The following PSD3 variants were observed in gnomAD, a reference collection of about 807,000 sequenced individuals.
The protein encoded by PSD3 is pleckstrin and Sec7 domain containing 3.
Under a neutral mutation model 105.5 loss-of-function variants are expected in PSD3, and 49 were observed. The observed-to-expected ratio is 0.46, with a 90% CI of 0.37 to 0.59. PSD3 has a LOEUF of 0.59. Among genes scored for constraint, PSD3 ranks in the 20% least tolerant of loss-of-function variants. The pLI is 0.00. For synonymous variants in PSD3, 557 were observed against 457.8 expected, an observed-to-expected ratio of 1.22 and a Z score of -2.77; for missense variants, 1,561 against 1,263.8, an observed-to-expected ratio of 1.24 and a Z score of -3.57.
intron 11 of PSD3, among the ~76,000 whole-genome samples, chr8:18,614,855 C>T (rs1481198500): frequency 3.3e-5 from 5 of 151,254 alleles, no homozygotes; most frequent in South Asian, 2.1e-4. Context: ...CGGCTGGTCT[C>T]GAACTGCTGG....
At chr8:18,651,425 C>T (rs1429087786) in intron 10 of PSD3, among the ~76,000 whole-genome samples, 1 of 152,222 alleles carries the variant, frequency 6.6e-6, no homozygotes, top group African/African-American at 2.4e-5. Context: ...AGCATCACCA[C>T]CTTTCCTGTA....
At chr8:18,577,008 C>T (rs1802501294) in intron 12 of PSD3, among the ~76,000 whole-genome samples, 1 of 151,014 alleles carries the variant, frequency 6.6e-6, no homozygotes, top group Admixed American at 6.6e-5. Flanking sequence ...TTACCTAGTT[C>T]TTTTGTTTTC....
intron 2 of PSD3, among the ~76,000 whole-genome samples, chr8:18,900,643 C>CTTTT (rs34004085): frequency 9.5e-5 from 8 of 83,972 alleles, no homozygotes; most frequent in Admixed American, 6.2e-4. Flanking sequence ...AGAGACAACT[C>CTTTT]TTTTTTTTTT....
chr8:18,798,304 T>A (rs1563281215), intron 8 of PSD3, among the ~76,000 whole-genome samples: 1 of 152,176 alleles, frequency 6.6e-6, no homozygotes, highest in Non-Finnish European at 1.5e-5. Flanking sequence ...AAAAGGAACT[T>A]TCTAGCTGAG....
intron 2 of PSD3, among the ~76,000 whole-genome samples, chr8:18,909,628 C>T (rs981374628): frequency 6.6e-6 from 1 of 152,052 alleles, no homozygotes; most frequent in Non-Finnish European, 1.5e-5. Context: ...GGACTACAGG[C>T]TCACGTTACC....
At chr8:18,617,278 C>T (rs1273570984) in intron 11 of PSD3, among the ~76,000 whole-genome samples, 1 of 152,132 alleles carries the variant, frequency 6.6e-6, no homozygotes, top group Admixed American at 6.5e-5. Context: ...TACCTGTAAT[C>T]CCACCATTTT....
intron 9 of PSD3, among the ~76,000 whole-genome samples, chr8:18,761,046 T>G (rs934028960): frequency 6.6e-6 from 1 of 152,264 alleles, no homozygotes; most frequent in South Asian, 2.1e-4. Flanking sequence ...CCAGGACCAG[T>G]TCAAGAGCCA....
chr8:18,619,640 T>C (rs1316755057), intron 11 of PSD3, among the ~76,000 whole-genome samples: 1 of 143,476 alleles, frequency 7.0e-6, no homozygotes, highest in African/African-American at 2.6e-5. Context: ...TGAAACCTCA[T>C]CTCAAAAAAA....
intron 14 of PSD3, among the ~76,000 whole-genome samples, chr8:18,568,361 T>C (rs1346893568): frequency 1.3e-5 from 2 of 152,140 alleles, no homozygotes; most frequent in Non-Finnish European, 2.9e-5. Flanking sequence ...GCTTATCAAG[T>C]GCCTTAGTCT....
chr8:19,037,279 C>T (rs1329433871), intron 1 of PSD3, among the ~76,000 whole-genome samples: 1 of 152,240 alleles, frequency 6.6e-6, no homozygotes, highest in East Asian at 1.9e-4. Context: ...TGTCCAAATA[C>T]AGCTGATACA....
chr8:19,069,129 T>C (rs1829172383), intron 1 of PSD3, among the ~76,000 whole-genome samples: 1 of 152,224 alleles, frequency 6.6e-6, no homozygotes, highest in South Asian at 2.1e-4. Context: ...GTGCGGTAAT[T>C]ATTTACTTTC....
At chr8:18,667,835 G>T (rs1328978477) in intron 9 of PSD3, among the ~76,000 whole-genome samples, 3 of 152,232 alleles carry the variant, frequency 2.0e-5, no homozygotes, top group Admixed American at 6.5e-5. Flanking sequence ...CCCGCAGGGA[G>T]GCAGCTGAGG....
At chr8:18,979,170 T>G (rs61447669) in intron 1 of PSD3, among the ~76,000 whole-genome samples, 7,972 of 151,410 alleles carry the variant, frequency 0.053, 720 homozygotes, top group African/African-American at 0.18. Context: ...ACCAAGACAC[T>G]GGGGGGCGGC....
chr8:18,949,343 T>C (rs2129469950), intron 1 of PSD3, among the ~76,000 whole-genome samples: 1 of 145,054 alleles, frequency 6.9e-6, no homozygotes, highest in East Asian at 2.0e-4. Flanking sequence ...AATGTTATTT[T>C]CTACTTACAC....
chr8:19,070,570 C>T (rs887764528), intron 1 of PSD3, among the ~76,000 whole-genome samples: 12 of 152,124 alleles, frequency 7.9e-5, no homozygotes, highest in South Asian at 2.1e-4. Flanking sequence ...CCCAGCTACA[C>T]GGGAGGCTGA....
At chr8:18,943,948 A>G (rs1586490489) in intron 1 of PSD3, among the ~76,000 whole-genome samples, 1 of 152,052 alleles carries the variant, frequency 6.6e-6, no homozygotes, top group East Asian at 2.0e-4. Flanking sequence ...CAAGAAGGAA[A>G]ACCTACAAAA....
At chr8:19,020,975 A>G (rs917318649) in intron 1 of PSD3, among the ~76,000 whole-genome samples, 4 of 152,202 alleles carry the variant, frequency 2.6e-5, no homozygotes, top group African/African-American at 9.7e-5. Context: ...GCCACTGGAT[A>G]TACAAAACCA....
At chr8:18,713,616 C>T (rs1019932150) in intron 9 of PSD3, among the ~76,000 whole-genome samples, 29 of 152,060 alleles carry the variant, frequency 1.9e-4, no homozygotes, top group African/African-American at 6.8e-4. Context: ...CAAACCTCTG[C>T]CCAAGGAAAT....
chr8:18,793,736 A>T (rs954839019), intron 8 of PSD3, among the ~76,000 whole-genome samples: 1 of 152,196 alleles, frequency 6.6e-6, no homozygotes, highest in African/African-American at 2.4e-5. Context: ...AGATACAGAG[A>T]AGCACAGACA....
Sources: gnomAD v4.1 joint callset for allele counts (sites outside exome capture counted in the v4.1 genomes callset) on GRCh38, gnomAD v4.1.1 for gene constraint, MANE v1.5 for transcripts, NCBI Gene and HGNC (gene_info 2026-07-23, HGNC 2026-07-21) for gene names.